ZNF385B: variants seen among roughly 807,000 people sequenced by gnomAD.
The protein encoded by ZNF385B is zinc finger protein 533.
Under a neutral mutation model 39.2 loss-of-function variants are expected in ZNF385B, and 23 were observed. The ratio of observed to expected loss-of-function variants is 0.59; its 90% confidence interval spans 0.42 to 0.83. The LOEUF (loss-of-function observed/expected upper bound fraction) is 0.83, where lower values mean the gene tolerates loss of function less well. Ranked by LOEUF, ZNF385B falls within the 40% of genes least tolerant of loss-of-function variation. The probability of loss-of-function intolerance (pLI) is 0.00; values close to 1 mark genes in which losing one functional copy is unlikely to be tolerated. For synonymous variants in ZNF385B, 205 were observed against 222.6 expected (o/e 0.92, Z 0.70); for missense variants, 552 against 598.9 (o/e 0.92, Z 0.82).
chr2:179,608,043 A>G (rs942709547), intron 3 of ZNF385B, among the ~76,000 whole-genome samples: 3 of 150,762 alleles, frequency 2.0e-5, no homozygotes, highest in Non-Finnish European at 4.4e-5. Context: ...GTCTCCGAGT[A>G]GCTGGGATTA....
At chr2:179,570,158 G>C (rs1008099325) in intron 3 of ZNF385B, among the ~76,000 whole-genome samples, 1 of 152,078 alleles carries the variant, frequency 6.6e-6, no homozygotes, top group African/African-American at 2.4e-5. Context: ...CCAGCCAAGA[G>C]AGTCCATCAT....
intron 1 of ZNF385B, among the ~76,000 whole-genome samples, chr2:179,836,578 G>A (rs1158164628): frequency 7.1e-6 from 1 of 141,068 alleles, no homozygotes; most frequent in Middle Eastern, 3.8e-3. Flanking sequence ...GACTGCAGTG[G>A]CGCAATCTCG....
intron 3 of ZNF385B, among the ~76,000 whole-genome samples, chr2:179,749,223 A>G (rs1298821849): frequency 6.6e-6 from 1 of 152,074 alleles, no homozygotes; most frequent in Non-Finnish European, 1.5e-5. Flanking sequence ...CCATTAAATA[A>G]TAGATAAATA....
chr2:179,470,161 G>T (rs1559283931), intron 6 of ZNF385B, among the ~76,000 whole-genome samples: 1 of 152,004 alleles, frequency 6.6e-6, no homozygotes. Context: ...TGTTACTTGG[G>T]GACACTGTCT....
rs1465386577 is a variant in ZNF385B at position 179,518,600 on chromosome 2, A to G, written c.480T>C (p.Phe160=). 6.2e-7 allele frequency: 1 copy of G among 1,606,326 alleles called. No homozygotes were observed. The highest frequency in any genetic ancestry group is 8.5e-7 in the Non-Finnish European group (1 of 1,177,610). The change falls in exon 5 of 10, where the codon TTT becomes TTC. Residue 160 remains phenylalanine, a synonymous_variant. Transcript: ENST00000410066. The part of the protein sequence containing the change: ...PVQKAVINHT[F]GVSIPPKKKQ... ...TCTTCTTTGGGGGAATGGATACTCC[A>G]AATGTATGGTTAATAACCGCTTTTT... is the stretch of plus-strand genomic sequence containing the variant.
At chr2:179,731,909 C>T (rs1701419303) in intron 3 of ZNF385B, among the ~76,000 whole-genome samples, 1 of 152,254 alleles carries the variant, frequency 6.6e-6, no homozygotes, top group Non-Finnish European at 1.5e-5. Context: ...TTTGCCAACT[C>T]TTATTTCTTG....
At chr2:179,645,655 G>C (rs1321616471) in intron 3 of ZNF385B, among the ~76,000 whole-genome samples, 1 of 152,128 alleles carries the variant, frequency 6.6e-6, no homozygotes, top group African/African-American at 2.4e-5. Flanking sequence ...GCGATCTAAA[G>C]TGCCTTCTCC....
intron 1 of ZNF385B, among the ~76,000 whole-genome samples, chr2:179,791,729 A>T (rs1187571520): frequency 6.6e-6 from 1 of 152,060 alleles, no homozygotes; most frequent in Non-Finnish European, 1.5e-5. Flanking sequence ...TAAAATTTTG[A>T]TTTTTTGTTC....
At chr2:179,856,894 C>G (rs1373623985) in intron 1 of ZNF385B, among the ~76,000 whole-genome samples, 1 of 152,136 alleles carries the variant, frequency 6.6e-6, no homozygotes, top group African/African-American at 2.4e-5. Context: ...GAAGCAAAAA[C>G]AAACTGTAGG....
At chr2:179,668,002 T>C (rs375176636) in intron 3 of ZNF385B, among the ~76,000 whole-genome samples, 1 of 152,152 alleles carries the variant, frequency 6.6e-6, no homozygotes, top group African/African-American at 2.4e-5. Flanking sequence ...CAAGAGAAAA[T>C]GACTTTTCAC....
chr2:179,750,374 TAG>T (rs1702603157), intron 3 of ZNF385B, among the ~76,000 whole-genome samples: 2 of 152,112 alleles, frequency 1.3e-5, no homozygotes, highest in Admixed American at 6.6e-5. Flanking sequence ...CTTTGAAGAA[TAG>T]AGTCAGGATT....
intron 1 of ZNF385B, among the ~76,000 whole-genome samples, chr2:179,803,998 C>T (rs374405803): frequency 1.3e-3 from 191 of 152,250 alleles, no homozygotes; most frequent in African/African-American, 4.3e-3. Context: ...GGTTCAAGAT[C>T]GGAAGGTCAT....
At chr2:179,842,594 T>C (rs1197789137) in intron 1 of ZNF385B, among the ~76,000 whole-genome samples, 2 of 152,108 alleles carry the variant, frequency 1.3e-5, no homozygotes, top group Admixed American at 6.6e-5. Context: ...TGAGTTTCCT[T>C]GTAAGATTTT....
At chr2:179,501,160 C>T (rs564792677) in intron 5 of ZNF385B, among the ~76,000 whole-genome samples, 266 of 152,242 alleles carry the variant, frequency 1.7e-3, no homozygotes, top group African/African-American at 6.2e-3. Context: ...ATTAGTACAG[C>T]CACTATGGAG....
intron 3 of ZNF385B, among the ~76,000 whole-genome samples, chr2:179,720,247 C>A (rs1163474008): frequency 2.0e-5 from 3 of 151,800 alleles, no homozygotes; most frequent in Non-Finnish European, 2.9e-5. Flanking sequence ...GAGAAATAGC[C>A]TGAAATTAAA....
chr2:179,810,753 A>G lies in ZNF385B; in HGVS notation c.-154-40081T>C, dbSNP rs190969259. Among the ~76,000 whole-genome samples the G allele has an allele frequency of 2.1e-3, 313 of 152,224 alleles. 2 individuals carry two copies. Among genetic ancestry groups the G allele is most frequent in the African/African-American group, 7.3e-3 (303 of 41,566 alleles). On this transcript the variant is annotated intron_variant, in intron 1 of 9. Coordinates refer to ENST00000410066, the MANE Select transcript of ZNF385B (RefSeq NM_152520.6). ...AATTTTGGTTGTTTTCTCTTCCAAGATGGTGGAATAGAGGCTTTTAACATG... is the reference window on the plus strand; with the variant it reads ...AATTTTGGTTGTTTTCTCTTCCAAGGTGGTGGAATAGAGGCTTTTAACATG...
At chr2:179,535,957 T>G (rs199663310) in intron 4 of ZNF385B, among the ~76,000 whole-genome samples, 2 of 152,346 alleles carry the variant, frequency 1.3e-5, no homozygotes, top group East Asian at 3.9e-4. Flanking sequence ...AAAACAGATC[T>G]GCGTTGTTGG....
chr2:179,655,283 G>A (rs949076105), intron 3 of ZNF385B, among the ~76,000 whole-genome samples: 2 of 152,114 alleles, frequency 1.3e-5, no homozygotes, highest in Non-Finnish European at 2.9e-5. Flanking sequence ...TTAATGACCT[G>A]TAGTACAGAA....
At chr2:179,447,878 C>A (rs77594558) in intron 6 of ZNF385B, among the ~76,000 whole-genome samples, 2,078 of 152,000 alleles carry the variant, frequency 0.014, 42 homozygotes, top group Middle Eastern at 0.037. Flanking sequence ...TAAACCTAAG[C>A]TTTTAGAACA....
Sources: gnomAD v4.1 joint callset for allele counts (sites outside exome capture counted in the v4.1 genomes callset) on GRCh38, gnomAD v4.1.1 for gene constraint, MANE v1.5 for transcripts, NCBI Gene and HGNC (gene_info 2026-07-23, HGNC 2026-07-21) for gene names.